Variants in SMG7 observed in about 807,000 individuals in gnomAD.
SMG7 encodes the protein SMG7 nonsense mediated mRNA decay factor, also known as nonsense-mediated mRNA decay factor SMG7.
Under a neutral mutation model 148.2 loss-of-function variants are expected in SMG7, and 34 were observed. The observed-to-expected ratio is 0.23, with a 90% CI of 0.17 to 0.31. The LOEUF is 0.31. Ranked by LOEUF, SMG7 falls within the 10% of genes least tolerant of loss-of-function variation. SMG7 has a pLI of 1.00. For missense variants in SMG7, 1,114 were observed against 1,408.4 expected, an observed-to-expected ratio of 0.79 and a Z score of 3.35; for synonymous variants, 492 against 515.1, an observed-to-expected ratio of 0.96 and a Z score of 0.61.
intron 19 of SMG7, 50 bp downstream of exon 19, chr1:183,549,338 C>A: frequency 8.0e-7 from 1 of 1,247,098 alleles, no homozygotes. Flanking sequence ...GTAGACTGAT[C>A]ATTGTCTTTC....
intron 1 of SMG7, among the ~76,000 whole-genome samples, chr1:183,512,354 G>A (rs1282541813): frequency 6.6e-6 from 1 of 152,168 alleles, no homozygotes; most frequent in Non-Finnish European, 1.5e-5. Flanking sequence ...TACATATTTA[G>A]TAAGTGGGAA....
rs1398244617 is a variant in SMG7, at chr1:183,533,300, G to T, written c.980G>T (p.Cys327Phe). Residue 327 changes from cysteine (C) to phenylalanine (F), a missense_variant, in exon 9 of 23, where the codon TGT becomes TTT. Around this residue, in one of 4 missense-constraint regions of SMG7, gnomAD observed 102 missense variants for 147.2 expected, o/e 0.69. Transcript: ENST00000688051. ...ACTTATAGCCAAGATGAGCAGCTATGTTGGACACAGTTGCTGGCCCTCTTT... is the reference window on the plus strand; with the variant it reads ...ACTTATAGCCAAGATGAGCAGCTATTTTGGACACAGTTGCTGGCCCTCTTT... Reference protein sequence around the residue: ...QHTYSQDEQLCWTQLLALFMS... With the variant: ...QHTYSQDEQLFWTQLLALFMS... 1 of 1,613,732 alleles carries T rather than the reference G, an allele frequency of 6.2e-7. No individual in the cohort carries two copies.
Position 183,533,732 on chromosome 1 carries a change from T to A in SMG7, c.1063T>A (p.Ser355Thr). ...TCTACAGAATGAGTCTCAGGAGGAG[T>A]CCTACAATGCCTATCCTCTTCCAGC... ...CPLQNESQEE[S>T]YNAYPLPAVK... The change falls in exon 10 of 23, where the codon TCC becomes ACC. Residue 355 changes from serine (S) to threonine (T), a missense_variant. Around this residue, in one of 4 missense-constraint regions of SMG7, gnomAD observed 102 missense variants for 147.2 expected, o/e 0.69. Coordinates refer to ENST00000688051, the MANE Select transcript of SMG7 (RefSeq NM_001375584.1). The A allele has an allele frequency of 6.2e-7, 1 of 1,613,154 alleles. No individual in the cohort carries two copies. The highest frequency in any genetic ancestry group is 8.5e-7 in the Non-Finnish European group (1 of 1,179,522).
intron 1 of SMG7, among the ~76,000 whole-genome samples, chr1:183,498,406 C>G (rs1388546717): frequency 6.6e-6 from 1 of 152,100 alleles, no homozygotes; most frequent in East Asian, 1.9e-4. Context: ...GCACGTGCCT[C>G]TAGTTGCAGC....
chr1:183,553,265 G>A lies in SMG7; in HGVS notation c.*1334G>A. 2 of 1,399,298 alleles carry A rather than the reference G, an allele frequency of 1.4e-6. No homozygotes were observed. Among genetic ancestry groups the A allele is most frequent in the Non-Finnish European group, 9.6e-7 (1 of 1,041,612 alleles). 86.7% of individuals were successfully genotyped at this position (1,399,298 alleles called of 1,614,324 possible). On this transcript the variant is annotated 3_prime_UTR_variant, in exon 23 of 23. Coordinates refer to ENST00000688051, the MANE Select transcript of SMG7 (RefSeq NM_001375584.1). Reference sequence around the variant, plus strand: ...AAAATGTTCTTGTGTAGAAACAGAAGGACAGCATTTCTGTTAGTCATTTCC... The same window carrying A: ...AAAATGTTCTTGTGTAGAAACAGAAAGACAGCATTTCTGTTAGTCATTTCC...
At chr1:183,489,789 C>G (rs1316574696) in intron 1 of SMG7, among the ~76,000 whole-genome samples, 1 of 152,328 alleles carries the variant, frequency 6.6e-6, no homozygotes, top group East Asian at 1.9e-4. Flanking sequence ...GGTTTTGTTA[C>G]TCTACCTATT....
intron 1 of SMG7, among the ~76,000 whole-genome samples, chr1:183,484,359 AATT>A (rs1557948820): frequency 2.1e-5 from 3 of 142,336 alleles, no homozygotes. Flanking sequence ...TCTGAAAAAA[AATT>A]TTTTTTTTTT....
Position 183,544,373 on chromosome 1 carries a change from A to G in SMG7, c.1863A>G (p.Leu621=), listed in dbSNP as rs1037495154. Residue 621 remains leucine (L), a synonymous_variant, in exon 15 of 23, where the codon CTA becomes CTG. Transcript: ENST00000688051. The part of the protein sequence containing the change: ...VAVQVKSQTE[L]RKTPVSEARK... The stretch of plus-strand genomic sequence containing the variant: ...TACAGGTAAAATCCCAGACAGAACT[A>G]AGAAAGACTCCAGTGTCTGAAGCCA... The G allele has an allele frequency of 1.2e-6, 2 of 1,613,896 alleles. No individual in the cohort carries two copies. The highest frequency in any genetic ancestry group is 2.2e-5 in the East Asian group (1 of 44,866).
Position 183,546,270 on chromosome 1 carries a change from G to T in SMG7, c.2675G>T (p.Arg892Leu), listed in dbSNP as rs770528210. 14 of 1,613,864 alleles carry T rather than the reference G, an allele frequency of 8.7e-6. No homozygotes were observed. The East Asian group carries it at 1.3e-4, about 15-fold the overall frequency. ...ATGGCACAGCAAGCAAACATAGACC[G>T]CAGGGGCAAACGGTCACCAGGAGTC... ...SVMAQQANID[R>L]RGKRSPGVFR... Residue 892 changes from arginine (R) to leucine (L), a missense_variant, in exon 17 of 23, where the codon CGC (arginine) becomes CTC (leucine). This residue lies in a region of SMG7 where 788 missense variants were observed against 894.5 expected (regional missense o/e 0.88). Transcript: ENST00000688051.
intron 8 of SMG7, among the ~76,000 whole-genome samples, chr1:183,530,930 T>G (rs1164928199): frequency 1.3e-5 from 2 of 152,110 alleles, no homozygotes; most frequent in Non-Finnish European, 1.5e-5. Context: ...CCTAGTAAGT[T>G]TTGCATTTGG....
At chr1:183,472,724 T>G in intron 1 of SMG7, 75 bp downstream of exon 1, 1 of 1,306,644 alleles carries the variant, frequency 7.7e-7, no homozygotes, top group Non-Finnish European at 1.0e-6. Flanking sequence ...GACACCGAGG[T>G]AAGTCCGGGG....
intron 10 of SMG7, among the ~76,000 whole-genome samples, chr1:183,535,163 A>G (rs572202070): frequency 2.0e-5 from 3 of 152,294 alleles, no homozygotes; most frequent in African/African-American, 7.2e-5. Context: ...GAAGAACTGC[A>G]TGTTTTACCA....
chr1:183,549,787 G>A lies in SMG7; in HGVS notation c.2997G>A (p.Met999Ile), dbSNP rs1309954545. The A allele has an allele frequency of 1.2e-6, 2 of 1,613,650 alleles. No individual in the cohort carries two copies. The highest frequency in any genetic ancestry group is 1.1e-5 in the South Asian group (1 of 91,086). Residue 999 changes from methionine to isoleucine, a missense_variant, in exon 20 of 23, where the codon ATG (methionine) becomes ATA (isoleucine). Transcript: ENST00000688051. ...AGGAAAGATACCCAAATAATAGTAT[G>A]TTCAATGAGGTATATGGGAAAAACC... Reference protein sequence around the residue: ...LNQERYPNNSMFNEVYGKNLT... With the variant: ...LNQERYPNNSIFNEVYGKNLT...
intron 1 of SMG7, among the ~76,000 whole-genome samples, chr1:183,476,187 A>G (rs550979234): frequency 2.2e-4 from 33 of 152,142 alleles, no homozygotes; most frequent in Non-Finnish European, 2.8e-4. Flanking sequence ...TTGAAAATAG[A>G]ACTGTTGGTT....
At chr1:183,511,238 T>C (rs1371133352) in intron 1 of SMG7, among the ~76,000 whole-genome samples, 1 of 152,174 alleles carries the variant, frequency 6.6e-6, no homozygotes, top group African/African-American at 2.4e-5. Context: ...ATTGAGTGTC[T>C]GTTGTGTGCA....
intron 9 of SMG7, 100 bp from the exon 10 acceptor site, chr1:183,533,572 TACTC>T: frequency 9.9e-7 from 1 of 1,009,760 alleles, no homozygotes. Flanking sequence ...AGCTGTAAGA[TACTC>T]AAGTGTTAAA....
rs568644948 is a variant in SMG7 at position 183,485,061 on chromosome 1, C to T, written c.29+12412C>T. Reference sequence around the variant, plus strand: ...CTTTTATGTTGTGCCAGACAGTATTCCAAATATTGTGTGTTTATTAACTCT... The same window carrying T: ...CTTTTATGTTGTGCCAGACAGTATTTCAAATATTGTGTGTTTATTAACTCT... On this transcript the variant is annotated intron_variant, in intron 1 of 22. Coordinates refer to ENST00000688051, the MANE Select transcript of SMG7 (RefSeq NM_001375584.1). 7.9e-5 allele frequency among the ~76,000 whole-genome samples: 12 copies of T among 152,050 alleles called. No individual in the cohort carries two copies. The South Asian group carries it at 1.5e-3, about 18-fold the overall frequency.
chr1:183,474,333 C>T (rs1651555373), intron 1 of SMG7, among the ~76,000 whole-genome samples: 2 of 152,262 alleles, frequency 1.3e-5, no homozygotes, highest in South Asian at 2.1e-4. Context: ...GAGGCCTAGG[C>T]GGGAGGATCA....
At chr1:183,508,076 C>A in intron 1 of SMG7, 1 of 676,884 alleles carries the variant, frequency 1.5e-6, no homozygotes. Context: ...ATACCCTCTA[C>A]CAAGAGAAAA....
Sources: allele counts gnomAD v4.1 joint callset (sites outside exome capture counted in the v4.1 genomes callset), GRCh38; gene constraint gnomAD v4.1.1; regional missense constraint gnomAD v4.1.1; transcripts MANE v1.5; gene names NCBI Gene and HGNC (gene_info 2026-07-23, HGNC 2026-07-21).